RIMS1: variants seen among roughly 807,000 people sequenced by gnomAD.
The protein encoded by RIMS1 is regulating synaptic membrane exocytosis 1.
In RIMS1, 83 loss-of-function variants were observed where a neutral mutation model predicts 214.1. That is an observed-to-expected ratio of 0.39 (90% CI 0.32 to 0.47). RIMS1 has a LOEUF of 0.47. Ranked by LOEUF, RIMS1 falls within the 20% of genes least tolerant of loss-of-function variation. The pLI, the probability that RIMS1 is intolerant of heterozygous loss-of-function variation, is 0.99. For missense variants in RIMS1, 2,050 were observed against 2,161.8 expected, an observed-to-expected ratio of 0.95 and a Z score of 1.03; for synonymous variants, 793 against 786.8, an observed-to-expected ratio of 1.01 and a Z score of -0.13.
At chr6:72,319,463 A>T (rs1193220763) in intron 28 of RIMS1, among the ~76,000 whole-genome samples, 4 of 152,132 alleles carry the variant, frequency 2.6e-5, no homozygotes, top group African/African-American at 4.8e-5. Context: ...AAGTTAAGGG[A>T]ATGGTTAGTG....
intron 28 of RIMS1, among the ~76,000 whole-genome samples, chr6:72,320,067 T>A (rs188008942): frequency 6.6e-6 from 1 of 152,174 alleles, no homozygotes; most frequent in Non-Finnish European, 1.5e-5. Context: ...CATTTAAAAT[T>A]CGAATTTTGA....
At chr6:72,043,686 T>G (rs527290448) in intron 2 of RIMS1, among the ~76,000 whole-genome samples, 17 of 151,644 alleles carry the variant, frequency 1.1e-4, no homozygotes, top group South Asian at 1.0e-3. Context: ...TAACTAGACT[T>G]TTTTCCCCCT....
chr6:72,381,649 C>G (rs9446633), intron 29 of RIMS1, among the ~76,000 whole-genome samples: 3,030 of 152,312 alleles, frequency 0.02, 95 homozygotes, highest in African/African-American at 0.07. Context: ...ATTGTTTATA[C>G]TTTCAATAGC....
At chr6:71,981,302 G>T (rs907123158) in intron 2 of RIMS1, among the ~76,000 whole-genome samples, 5 of 152,054 alleles carry the variant, frequency 3.3e-5, no homozygotes, top group Admixed American at 6.6e-5. Context: ...GCACATAAAA[G>T]AAAATCATTT....
At chr6:72,157,662 T>G (rs1345736791) in intron 4 of RIMS1, among the ~76,000 whole-genome samples, 1 of 140,630 alleles carries the variant, frequency 7.1e-6, no homozygotes, top group South Asian at 2.3e-4. Flanking sequence ...TGTATCCTTA[T>G]GTTCTAGTAG....
At chr6:71,955,402 G>A (rs962519322) in intron 1 of RIMS1, among the ~76,000 whole-genome samples, 1 of 151,998 alleles carries the variant, frequency 6.6e-6, no homozygotes, top group Non-Finnish European at 1.5e-5. Flanking sequence ...CCTGACCTCA[G>A]GTGATCCTCC....
rs1307666992 is a variant in RIMS1, at chr6:72,266,280, G to A, written c.3398+231G>A. ...TATGAATGTTGTTGCAAATGGCGTG[G>A]TGTAATTTGTAACTGCTTCTGGCTG... On this transcript the variant is annotated intron_variant, in intron 22 of 33. Coordinates refer to ENST00000521978, the MANE Select transcript of RIMS1 (RefSeq NM_014989.7). 17 of 545,124 alleles carry A rather than the reference G, an allele frequency of 3.1e-5. No homozygotes were observed. In the Admixed American group the frequency reaches 3.9e-4, roughly 13 times the overall value. 33.8% of individuals were successfully genotyped at this position (545,124 alleles called of 1,614,324 possible). A position where few individuals can be genotyped will look rare whatever the true frequency, so the allele number is the denominator to read the frequency against.
At chr6:72,225,413 G>A (rs558927207) in intron 6 of RIMS1, among the ~76,000 whole-genome samples, 4 of 152,152 alleles carry the variant, frequency 2.6e-5, no homozygotes, top group South Asian at 4.2e-4. Context: ...GGATATAGAG[G>A]CAGGTAAAAA....
At chr6:71,913,686 C>A (rs1777559507) in intron 1 of RIMS1, among the ~76,000 whole-genome samples, 1 of 152,050 alleles carries the variant, frequency 6.6e-6, no homozygotes, top group Non-Finnish European at 1.5e-5. Flanking sequence ...AGAATTTTAA[C>A]ATATGGGTTT....
chr6:72,061,073 G>A (rs1281913987), intron 2 of RIMS1, among the ~76,000 whole-genome samples: 1 of 152,104 alleles, frequency 6.6e-6, no homozygotes, highest in Non-Finnish European at 1.5e-5. Flanking sequence ...TGAGGTATGT[G>A]ATTATTTGGA....
At chr6:71,911,459 T>G (rs1244985124) in intron 1 of RIMS1, among the ~76,000 whole-genome samples, 2 of 152,294 alleles carry the variant, frequency 1.3e-5, no homozygotes, top group Non-Finnish European at 2.9e-5. Flanking sequence ...TTCTTATAAG[T>G]TAGATGCTTG....
intron 1 of RIMS1, among the ~76,000 whole-genome samples, chr6:71,933,322 C>T (rs918875786): frequency 1.3e-5 from 2 of 152,082 alleles, no homozygotes; most frequent in African/African-American, 4.8e-5. Context: ...ACTCTTTTCC[C>T]CGTGTGTTTT....
At chr6:72,211,200 G>C (rs908162574) in intron 6 of RIMS1, among the ~76,000 whole-genome samples, 1 of 152,134 alleles carries the variant, frequency 6.6e-6, no homozygotes, top group Non-Finnish European at 1.5e-5. Context: ...GCCCTCTTCT[G>C]TCCAGAGTTT....
chr6:72,187,349 C>T (rs890528728), intron 6 of RIMS1, among the ~76,000 whole-genome samples: 9 of 152,012 alleles, frequency 5.9e-5, no homozygotes, highest in African/African-American at 7.2e-5. Flanking sequence ...AGTCAAATGG[C>T]GGGTAGATTA....
At chr6:72,202,993 A>C (rs12664087) in intron 6 of RIMS1, among the ~76,000 whole-genome samples, 26,919 of 151,754 alleles carry the variant, frequency 0.18, 2,935 homozygotes, top group Non-Finnish European at 0.22. Flanking sequence ...TTCTTTTTTT[A>C]TTTTTTATTT....
intron 24 of RIMS1, among the ~76,000 whole-genome samples, chr6:72,284,488 T>C (rs1020268731): frequency 6.6e-5 from 10 of 152,186 alleles, no homozygotes; most frequent in African/African-American, 2.4e-4. Context: ...AATTATTGAC[T>C]GTCTTATTTA....
intron 1 of RIMS1, among the ~76,000 whole-genome samples, chr6:71,965,510 C>T (rs1406602332): frequency 6.6e-6 from 1 of 152,206 alleles, no homozygotes; most frequent in East Asian, 1.9e-4. Flanking sequence ...ATGTTAGTTT[C>T]TCCCGTGTGT....
intron 23 of RIMS1, among the ~76,000 whole-genome samples, chr6:72,277,304 G>A (rs989334224): frequency 1.2e-4 from 18 of 152,124 alleles, no homozygotes; most frequent in East Asian, 7.7e-4. Flanking sequence ...TCTAGAGGCC[G>A]GGCGAGGTGG....
At chr6:72,290,925 C>G (rs768648961) in intron 25 of RIMS1, 64 bp downstream of exon 25, 13 of 1,449,096 alleles carry the variant, frequency 9.0e-6, no homozygotes, top group Non-Finnish European at 1.2e-5. Context: ...TGGTGTTGTA[C>G]CTTCCTGAGC....
Sources: allele counts gnomAD v4.1 joint callset (sites outside exome capture counted in the v4.1 genomes callset), GRCh38; gene constraint gnomAD v4.1.1; transcripts MANE v1.5; gene names NCBI Gene and HGNC (gene_info 2026-07-23, HGNC 2026-07-21).